GRIN2A: variants seen among roughly 807,000 people sequenced by gnomAD.
GRIN2A encodes the protein glutamate ionotropic receptor NMDA type subunit 2A, also known as glutamate receptor ionotropic, NMDA 2A.
A neutral mutation model predicts 113.4 loss-of-function variants in GRIN2A; 22 were observed. The observed-to-expected ratio is 0.19, with a 90% CI of 0.14 to 0.28. The LOEUF (loss-of-function observed/expected upper bound fraction) is 0.28, where lower values mean the gene tolerates loss of function less well. GRIN2A is among the 10% of genes least tolerant of loss of function. The pLI, the probability that GRIN2A is intolerant of heterozygous loss-of-function variation, is 1.00. For missense variants in GRIN2A, 1,502 were observed against 1,887.0 expected (o/e 0.80, Z 3.78); for synonymous variants, 827 against 738.4 (o/e 1.12, Z -1.94).
intron 5 of GRIN2A, among the ~76,000 whole-genome samples, chr16:9,842,244 T>A (rs1180955204): frequency 6.8e-6 from 1 of 146,534 alleles, no homozygotes; most frequent in Non-Finnish European, 1.5e-5. Flanking sequence ...AGAGTGAAAC[T>A]CTGTCTCCAA....
At chr16:10,146,197 A>C (rs1097733) in intron 2 of GRIN2A, among the ~76,000 whole-genome samples, 1 of 151,818 alleles carries the variant, frequency 6.6e-6, no homozygotes, top group East Asian at 1.9e-4. Context: ...GGCTCACTGC[A>C]ACCTCCACCT....
chr16:10,053,431 G>C (rs1236576352), intron 2 of GRIN2A, among the ~76,000 whole-genome samples: 2 of 152,216 alleles, frequency 1.3e-5, no homozygotes, highest in African/African-American at 4.8e-5. Context: ...CAGCCAGCTA[G>C]CAAGAGAAGA....
intron 2 of GRIN2A, among the ~76,000 whole-genome samples, chr16:10,090,326 G>A (rs6497679): frequency 0.11 from 17,158 of 152,164 alleles, 1,947 homozygotes; most frequent in African/African-American, 0.29. Flanking sequence ...AGAGAGTGTG[G>A]TATTAAGGGA....
In GRIN2A at chr16:9,994,357, C is replaced by T. The variant is rs79556174; in HGVS notation, c.415-55806G>A. Among the ~76,000 whole-genome samples the T allele has an allele frequency of 9.8e-3, 1,489 of 152,258 alleles. 28 individuals are homozygous for T. The highest frequency in any genetic ancestry group is 0.034 in the African/African-American group (1,417 of 41,558). ...GCCTTGTAGCTCCTTCTCTCTAAGG[C>T]AATAAAGTAAACTGTCATTGTTCCA... is the stretch of plus-strand genomic sequence containing the variant. On this transcript the variant is annotated intron_variant, in intron 2 of 12. Coordinates refer to ENST00000330684, the MANE Select transcript of GRIN2A (RefSeq NM_001134407.3).
intron 10 of GRIN2A, among the ~76,000 whole-genome samples, chr16:9,821,088 C>G (rs2042275445): frequency 6.6e-6 from 1 of 152,042 alleles, no homozygotes; most frequent in Non-Finnish European, 1.5e-5. Context: ...CTACCAGACA[C>G]AAAGCCAGCA....
intron 2 of GRIN2A, among the ~76,000 whole-genome samples, chr16:9,963,562 C>A (rs2141711765): frequency 6.6e-6 from 1 of 152,190 alleles, no homozygotes; most frequent in East Asian, 1.9e-4. Flanking sequence ...TGTTCTGCAT[C>A]TCGATCTGTG....
intron 2 of GRIN2A, among the ~76,000 whole-genome samples, chr16:10,054,083 A>G (rs974360294): frequency 5.3e-5 from 8 of 152,228 alleles, no homozygotes; most frequent in African/African-American, 1.9e-4. Context: ...ATTTAATTTT[A>G]AAAAACCGAA....
intron 11 of GRIN2A, among the ~76,000 whole-genome samples, chr16:9,783,253 G>T (rs1433835789): frequency 6.6e-6 from 1 of 152,130 alleles, no homozygotes; most frequent in Admixed American, 6.5e-5. Flanking sequence ...TTTCCCCGTG[G>T]TTTCACATGA....
chr16:10,001,355 C>T (rs1180756707), intron 2 of GRIN2A, among the ~76,000 whole-genome samples: 1 of 152,148 alleles, frequency 6.6e-6, no homozygotes, highest in African/African-American at 2.4e-5. Context: ...TTGCAAGTGA[C>T]AGAAAATTCA....
rs955491687 is a variant in GRIN2A, at chr16:10,044,566, C to A, written c.415-106015G>T. Among the ~76,000 whole-genome samples the A allele has an allele frequency of 6.6e-5, 10 of 151,134 alleles. No individual in the cohort carries two copies. The East Asian group carries it at 1.4e-3, about 20-fold the overall frequency. On this transcript the variant is annotated intron_variant, in intron 2 of 12. Coordinates refer to ENST00000330684, the MANE Select transcript of GRIN2A (RefSeq NM_001134407.3). Reference sequence around the variant, plus strand: ...TTCTATACATATCTTTAATATACATCCTATTGCTTTATGATTATTTGCTTT... The same window carrying A: ...TTCTATACATATCTTTAATATACATACTATTGCTTTATGATTATTTGCTTT...
intron 3 of GRIN2A, among the ~76,000 whole-genome samples, chr16:9,937,470 CATAAAT>C (rs2044738215): frequency 6.6e-6 from 1 of 152,100 alleles, no homozygotes; most frequent in Non-Finnish European, 1.5e-5. Flanking sequence ...TCATGTACCC[CATAAAT>C]ATATATACCT....
chr16:9,990,212 T>G (rs776815180), intron 2 of GRIN2A, among the ~76,000 whole-genome samples: 3 of 151,616 alleles, frequency 2.0e-5, no homozygotes, highest in Non-Finnish European at 4.4e-5. Context: ...TAAAAAAGAG[T>G]GAAATCATGT....
intron 2 of GRIN2A, among the ~76,000 whole-genome samples, chr16:10,085,165 G>A (rs2048062296): frequency 6.6e-6 from 1 of 152,206 alleles, no homozygotes; most frequent in South Asian, 2.1e-4. Flanking sequence ...CGAGGTTCAT[G>A]CATCTAGAAA....
chr16:9,909,610 T>A (rs1050504205), intron 3 of GRIN2A, among the ~76,000 whole-genome samples: 2 of 152,226 alleles, frequency 1.3e-5, no homozygotes, highest in African/African-American at 2.4e-5. Flanking sequence ...AGAAAAGAGC[T>A]GTGTGGATCA....
intron 3 of GRIN2A, among the ~76,000 whole-genome samples, chr16:9,921,688 G>A (rs1393034429): frequency 1.3e-5 from 2 of 152,082 alleles, no homozygotes; most frequent in African/African-American, 4.8e-5. Context: ...ACACTATGCT[G>A]GGTGCTGGTG....
chr16:9,876,151 G>A (rs1397225964), intron 4 of GRIN2A, among the ~76,000 whole-genome samples: 1 of 152,040 alleles, frequency 6.6e-6, no homozygotes, highest in Non-Finnish European at 1.5e-5. Context: ...CTCGTGGCTT[G>A]GATACAATCC....
chr16:9,965,970 G>A (rs557691531), intron 2 of GRIN2A, among the ~76,000 whole-genome samples: 9 of 152,204 alleles, frequency 5.9e-5, no homozygotes, highest in South Asian at 2.1e-4. Flanking sequence ...AATACTTTCT[G>A]GTAGCTTATC....
intron 10 of GRIN2A, among the ~76,000 whole-genome samples, chr16:9,816,710 G>A (rs562344916): frequency 1.3e-5 from 2 of 152,316 alleles, no homozygotes; most frequent in East Asian, 1.9e-4. Context: ...CTCTTCTAGA[G>A]TGGATGTTCT....
intron 4 of GRIN2A, among the ~76,000 whole-genome samples, chr16:9,872,758 C>G (rs1205450923): frequency 6.6e-6 from 1 of 152,074 alleles, no homozygotes; most frequent in African/African-American, 2.4e-5. Flanking sequence ...TGTGGTGGCT[C>G]ACGCTTTTAA....
Sources: allele counts gnomAD v4.1 joint callset (sites outside exome capture counted in the v4.1 genomes callset), GRCh38; gene constraint gnomAD v4.1.1; transcripts MANE v1.5; gene names NCBI Gene and HGNC (gene_info 2026-07-23, HGNC 2026-07-21).